Variants in CACNA2D2 observed in about 807,000 individuals in gnomAD.
The protein encoded by CACNA2D2 is calcium voltage-gated channel auxiliary subunit alpha2delta 2, also known as voltage-dependent calcium channel subunit alpha-2/delta-2.
Under a neutral mutation model 166.4 loss-of-function variants are expected in CACNA2D2, and 48 were observed. The ratio of observed to expected loss-of-function variants is 0.29; its 90% CI spans 0.23 to 0.37. The LOEUF (loss-of-function observed/expected upper bound fraction) is 0.37, where lower values mean the gene tolerates loss of function less well. Ranked by LOEUF, CACNA2D2 falls within the 10% of genes least tolerant of loss-of-function variation. The pLI, the probability that CACNA2D2 is intolerant of heterozygous loss-of-function variation, is 1.00. For missense variants in CACNA2D2, 1,122 were observed against 1,433.0 expected, an observed-to-expected ratio of 0.78 and a Z score of 3.50; for synonymous variants, 561 against 573.7, an observed-to-expected ratio of 0.98 and a Z score of 0.32.
At chr3:50,393,243 C>A (rs982992101) in intron 4 of CACNA2D2, among the ~76,000 whole-genome samples, 2 of 152,216 alleles carry the variant, frequency 1.3e-5, no homozygotes, top group African/African-American at 4.8e-5. Context: ...TGAGTCAGGT[C>A]TGCCACCCCC....
chr3:50,387,092 T>C (rs956557434), intron 5 of CACNA2D2, among the ~76,000 whole-genome samples: 2 of 152,154 alleles, frequency 1.3e-5, no homozygotes, highest in African/African-American at 4.8e-5. Flanking sequence ...CCACCACTTC[T>C]GAGGTGGGTG....
intron 2 of CACNA2D2, among the ~76,000 whole-genome samples, chr3:50,454,035 T>A (rs1357203378): frequency 6.6e-6 from 1 of 152,142 alleles, no homozygotes; most frequent in South Asian, 2.1e-4. Flanking sequence ...GAATGGCCAA[T>A]GAGGCCATCT....
intron 1 of CACNA2D2, among the ~76,000 whole-genome samples, chr3:50,491,295 G>A (rs555406207): frequency 2.6e-5 from 4 of 152,368 alleles, no homozygotes; most frequent in African/African-American, 9.6e-5. Context: ...TGAGAACAGT[G>A]AGGACACTGA....
intron 1 of CACNA2D2, among the ~76,000 whole-genome samples, chr3:50,477,784 G>A (rs1697858698): frequency 6.6e-6 from 1 of 152,178 alleles, no homozygotes; most frequent in Admixed American, 6.5e-5. Context: ...GGGAGCCATG[G>A]GGTACAGGAG....
chr3:50,422,875 GTCT>G (rs1437912541), intron 3 of CACNA2D2, among the ~76,000 whole-genome samples: 1 of 152,242 alleles, frequency 6.6e-6, no homozygotes, highest in Non-Finnish European at 1.5e-5. Context: ...TGGGTGGGGG[GTCT>G]TATTTCAGAA....
chr3:50,399,548 G>A (rs1052168654), intron 3 of CACNA2D2, among the ~76,000 whole-genome samples: 4 of 152,138 alleles, frequency 2.6e-5, no homozygotes, highest in African/African-American at 7.2e-5. Flanking sequence ...GCAATGACAG[G>A]ATATCACCAG....
chr3:50,375,375 A>C lies in CACNA2D2; in HGVS notation c.1907+269T>G, dbSNP rs753912596. 1.1e-4 allele frequency among the ~76,000 whole-genome samples: 16 copies of C among 152,176 alleles called. No homozygotes were observed. Among genetic ancestry groups the C allele is most frequent in the Non-Finnish European group, 2.1e-4 (14 of 68,006 alleles). Reference sequence around the variant, plus strand: ...CACAAGGGACCTCCTCTGCCCTGAGACTGTGAGGCAGGCTGACAGCATGCC... The same window carrying C: ...CACAAGGGACCTCCTCTGCCCTGAGCCTGTGAGGCAGGCTGACAGCATGCC... On this transcript the variant is annotated intron_variant, in intron 21 of 37. Transcript: ENST00000424201. This position sits in a 1 kb window ranked among gnomAD's most constrained non-coding sequence, Gnocchi z 4.0.
chr3:50,425,893 G>A (rs1038014014), intron 3 of CACNA2D2, among the ~76,000 whole-genome samples: 2 of 152,122 alleles, frequency 1.3e-5, no homozygotes, highest in Admixed American at 6.5e-5. Context: ...AAGGAAACTC[G>A]GGGCAACAGC....
intron 2 of CACNA2D2, among the ~76,000 whole-genome samples, chr3:50,442,543 G>A (rs1007989150): frequency 6.6e-6 from 1 of 152,156 alleles, no homozygotes; most frequent in Non-Finnish European, 1.5e-5. Flanking sequence ...CTGGCCTCCT[G>A]GGGATGATGC....
At chr3:50,371,809 A>C (rs1039317115) in intron 22 of CACNA2D2, among the ~76,000 whole-genome samples, 15 of 152,100 alleles carry the variant, frequency 9.9e-5, no homozygotes, top group African/African-American at 3.6e-4. Context: ...AGGAGCAGGG[A>C]AGGAGACTAT....
intron 3 of CACNA2D2, among the ~76,000 whole-genome samples, chr3:50,418,857 C>G (rs941500190): frequency 6.6e-6 from 1 of 152,212 alleles, no homozygotes; most frequent in African/African-American, 2.4e-5. Flanking sequence ...GATTTTGAGT[C>G]CCTGAGCCTT....
intron 2 of CACNA2D2, among the ~76,000 whole-genome samples, chr3:50,469,540 G>A (rs554894394): frequency 1.3e-5 from 2 of 152,286 alleles, no homozygotes; most frequent in African/African-American, 4.8e-5. Flanking sequence ...TTGTGGGGGT[G>A]GAGATGGGAC....
intron 2 of CACNA2D2, among the ~76,000 whole-genome samples, chr3:50,461,478 C>T (rs1228632026): frequency 1.3e-5 from 2 of 152,196 alleles, no homozygotes; most frequent in Non-Finnish European, 2.9e-5. Context: ...TGGCTCATGC[C>T]TGTAATCCCA....
rs1336729876 is a variant in CACNA2D2 at position 50,375,576 on chromosome 3, G to C, written c.1907+68C>G. The stretch of plus-strand genomic sequence containing the variant: ...ATGGTGGTCACAGTGGGAGAGGGAG[G>C]GGACAGCTGGGCTCAGATTCTGGGG... On this transcript the variant is annotated intron_variant, in intron 21 of 37. Coordinates refer to ENST00000424201, the MANE Select transcript of CACNA2D2 (RefSeq NM_006030.4). The surrounding 1 kb of genome is among the most constrained non-coding windows in gnomAD (Gnocchi z 4.0). The C allele has an allele frequency of 6.5e-7, 1 of 1,542,354 alleles. No individual in the cohort carries two copies. The highest frequency in any genetic ancestry group is 8.9e-7 in the Non-Finnish European group (1 of 1,121,584).
At chr3:50,457,556 C>G (rs1483331491) in intron 2 of CACNA2D2, among the ~76,000 whole-genome samples, 1 of 152,176 alleles carries the variant, frequency 6.6e-6, no homozygotes, top group East Asian at 1.9e-4. Flanking sequence ...ATCCCTGGCC[C>G]CAGGTGCTCT....
At chr3:50,378,849 G>C in intron 13 of CACNA2D2, 66 bp downstream of exon 13, 2 of 1,584,338 alleles carry the variant, frequency 1.3e-6, no homozygotes, top group Non-Finnish European at 1.7e-6. Flanking sequence ...ATGGCCAGTT[G>C]AACATACGCA....
chr3:50,462,738 G>A (rs567761832), intron 2 of CACNA2D2, among the ~76,000 whole-genome samples: 1 of 152,282 alleles, frequency 6.6e-6, no homozygotes, highest in South Asian at 2.1e-4. Flanking sequence ...ATTAGAAAGT[G>A]ACAGCCTCTG....
In CACNA2D2 at chr3:50,376,150, G is replaced by A. The variant is rs768302184; in HGVS notation, c.1665C>T (p.Asn555=). 6.2e-6 allele frequency: 10 copies of A among 1,613,434 alleles called. No homozygotes were observed. Among genetic ancestry groups the A allele is most frequent in the Admixed American group, 3.3e-5 (2 of 60,000 alleles). ...ANGYVFAIDL[N]GYVLLHPNLK... ...GATTGGGGTGCAGCAACACGTAGCC[G>A]TTCAGGTCAATGGCAAACACATAGC... The change falls in exon 18 of 38, where the codon AAC becomes AAT. Residue 555 remains asparagine (N), a synonymous_variant. Coordinates refer to ENST00000424201, the MANE Select transcript of CACNA2D2 (RefSeq NM_006030.4). This position sits in a 1 kb window ranked among gnomAD's most constrained non-coding sequence, Gnocchi z 4.3.
chr3:50,418,067 T>A (rs1707351512), intron 3 of CACNA2D2, among the ~76,000 whole-genome samples: 1 of 152,064 alleles, frequency 6.6e-6, no homozygotes, highest in Non-Finnish European at 1.5e-5. Context: ...GGCAGTGCTG[T>A]GAGAGGCAGG....
Sources: gnomAD v4.1 joint callset for allele counts (sites outside exome capture counted in the v4.1 genomes callset) on GRCh38, gnomAD v4.1.1 for gene constraint, Gnocchi (gnomAD v3.1) non-coding constraint, MANE v1.5 for transcripts, NCBI Gene and HGNC (gene_info 2026-07-23, HGNC 2026-07-21) for gene names.